PRKCI: variants seen among roughly 807,000 people sequenced by gnomAD.
The protein encoded by PRKCI is protein kinase C iota type.
Under a neutral mutation model 84.0 loss-of-function variants are expected in PRKCI, and 43 were observed. That is an observed-to-expected ratio of 0.51 (90% confidence interval 0.40 to 0.66). The LOEUF (loss-of-function observed/expected upper bound fraction) is 0.66, where lower values mean the gene tolerates loss of function less well. Ranked by LOEUF, PRKCI falls within the 30% of genes least tolerant of loss-of-function variation. The pLI, the probability that PRKCI is intolerant of heterozygous loss-of-function variation, is 0.00. For missense variants in PRKCI, 459 were observed against 745.6 expected (o/e 0.62, Z 4.48); for synonymous variants, 216 against 234.4 (o/e 0.92, Z 0.72).
intron 2 of PRKCI, among the ~76,000 whole-genome samples, chr3:170,254,159 G>GAT (rs1733526335): frequency 6.7e-6 from 1 of 149,318 alleles, no homozygotes; most frequent in Admixed American, 6.7e-5. Flanking sequence ...AGATTATTAG[G>GAT]TTTTTTTTTT....
chr3:170,280,994 T>C (rs185718627), intron 9 of PRKCI, among the ~76,000 whole-genome samples, 172 bp from the exon 10 acceptor site: 9 of 152,328 alleles, frequency 5.9e-5, no homozygotes, highest in Admixed American at 3.9e-4. Flanking sequence ...TACTGAAAGA[T>C]TGACTAGTGT....
chr3:170,282,298 A>G (rs1438661810), intron 11 of PRKCI, among the ~76,000 whole-genome samples: 1 of 152,176 alleles, frequency 6.6e-6, no homozygotes, highest in Non-Finnish European at 1.5e-5. Flanking sequence ...AGCCATTTAA[A>G]TAATTGAGAC....
At chr3:170,269,550 C>T (rs922961835) in intron 5 of PRKCI, among the ~76,000 whole-genome samples, 1 of 152,098 alleles carries the variant, frequency 6.6e-6, no homozygotes, top group Non-Finnish European at 1.5e-5. Flanking sequence ...GTAGTCCTAG[C>T]TACTCAGGAA....
In PRKCI at chr3:170,305,012, A is replaced by C. The variant is rs149238335; in HGVS notation, c.*1885A>C. On this transcript the variant is annotated 3_prime_UTR_variant, in exon 18 of 18. Transcript: ENST00000295797. ...AAGTCTGAAAGCAATGAAAACGTCA[A>C]AGGAAAATGTTTATATACATCCACA... 9 of 152,332 alleles carry C rather than the reference A, an allele frequency of 5.9e-5. No individual in the cohort carries two copies. The East Asian group carries it at 1.7e-3, about 29-fold the overall frequency. 9.4% of individuals were successfully genotyped at this position (152,332 alleles called of 1,614,324 possible). A position where few individuals can be genotyped will look rare whatever the true frequency, so the allele number is the denominator to read the frequency against.
rs556523085 is a variant in PRKCI at position 170,228,953 on chromosome 3, A to G, written c.101+6183A>G. ...TGTACCCTTTGTTTAGCTCTCACTT[A>G]TAAGTGAGAATATGTGGTATCTGGC... On this transcript the variant is annotated intron_variant, in intron 1 of 17. Coordinates refer to ENST00000295797, the MANE Select transcript of PRKCI (RefSeq NM_002740.6). Among the ~76,000 whole-genome samples, 38 of 152,054 alleles carry G rather than the reference A, an allele frequency of 2.5e-4. No homozygotes were observed. The South Asian group carries it at 6.2e-3, about 25-fold the overall frequency.
At chr3:170,229,195 C>T (rs564831969) in intron 1 of PRKCI, among the ~76,000 whole-genome samples, 1 of 152,206 alleles carries the variant, frequency 6.6e-6, no homozygotes, top group South Asian at 2.1e-4. Flanking sequence ...TTTTATTTTT[C>T]CAATAAATGA....
chr3:170,229,401 C>G (rs939914758), intron 1 of PRKCI, among the ~76,000 whole-genome samples: 4 of 152,154 alleles, frequency 2.6e-5, no homozygotes, highest in African/African-American at 9.7e-5. Context: ...GCAGCCTCAA[C>G]CACTCTGGGT....
At chr3:170,224,767 G>A (rs923126983) in intron 1 of PRKCI, among the ~76,000 whole-genome samples, 1 of 152,102 alleles carries the variant, frequency 6.6e-6, no homozygotes, top group Non-Finnish European at 1.5e-5. Flanking sequence ...CAAATGATGC[G>A]CTCGTCTTGG....
intron 8 of PRKCI, among the ~76,000 whole-genome samples, 199 bp downstream of exon 8, chr3:170,275,486 G>A (rs1734093787): frequency 6.6e-6 from 1 of 151,782 alleles, no homozygotes; most frequent in Non-Finnish European, 1.5e-5. Context: ...ATAATTTAGT[G>A]GGATAACTTA....
chr3:170,241,069 GATA>G (rs972425413), intron 2 of PRKCI, among the ~76,000 whole-genome samples: 3 of 146,104 alleles, frequency 2.1e-5, no homozygotes, highest in African/African-American at 7.5e-5. Context: ...TTAATTAACA[GATA>G]ATAATTGTAT....
intron 2 of PRKCI, among the ~76,000 whole-genome samples, chr3:170,243,665 A>G (rs1422236666): frequency 6.6e-6 from 1 of 152,214 alleles, no homozygotes; most frequent in Non-Finnish European, 1.5e-5. Context: ...TTAGTAAGGA[A>G]TTCACAAGGA....
At chr3:170,249,875 CT>C (rs911698932) in intron 2 of PRKCI, among the ~76,000 whole-genome samples, 1 of 151,526 alleles carries the variant, frequency 6.6e-6, no homozygotes, top group Admixed American at 6.6e-5. Context: ...AAAAGGGAGT[CT>C]TTTTTTAATG....
In PRKCI at chr3:170,235,318, C is replaced by T; in HGVS notation, c.190C>T (p.Gln64Ter). ...AGACATGTGTTCTTTTGACAACGAA[C>T]AGCTCTTCACCATGAAATGGATAGA... ...VRDMCSFDNE[Q>*]LFTMKWIDEE... is the part of the protein sequence containing the mutation. Residue 64 changes from glutamine to a stop codon, truncating the protein, a stop_gained, in exon 2 of 18, where the codon CAG (glutamine) becomes TAG (stop). Transcript: ENST00000295797. LOFTEE classifies it high-confidence loss of function. 1 of 1,614,100 alleles carries T rather than the reference C, an allele frequency of 6.2e-7. No homozygotes were observed. The highest frequency in any genetic ancestry group is 8.5e-7 in the Non-Finnish European group (1 of 1,179,988).
intron 8 of PRKCI, among the ~76,000 whole-genome samples, chr3:170,279,507 A>G (rs1734195015): frequency 6.6e-6 from 1 of 152,132 alleles, no homozygotes; most frequent in Non-Finnish European, 1.5e-5. Context: ...TTGTGTGCTG[A>G]TGATTTTGCA....
chr3:170,280,142 G>A (rs1734207415), intron 8 of PRKCI, 85 bp from the exon 9 acceptor site: 14 of 1,160,756 alleles, frequency 1.2e-5, no homozygotes, highest in South Asian at 5.9e-5. Context: ...TCTTTAAATC[G>A]TTATAGGTAC....
At chr3:170,239,988 C>A (rs1276699783) in intron 2 of PRKCI, among the ~76,000 whole-genome samples, 1 of 151,898 alleles carries the variant, frequency 6.6e-6, no homozygotes, top group African/African-American at 2.4e-5. Flanking sequence ...AGACCCTGTC[C>A]CTACAAAAAA....
intron 2 of PRKCI, among the ~76,000 whole-genome samples, chr3:170,239,392 A>G (rs772611687): frequency 1.3e-5 from 2 of 152,234 alleles, no homozygotes; most frequent in Admixed American, 6.5e-5. Flanking sequence ...TTAGCATTCA[A>G]TAAAATGCTT....
intron 1 of PRKCI, among the ~76,000 whole-genome samples, chr3:170,224,467 T>A (rs1246271563): frequency 6.6e-6 from 1 of 151,908 alleles, no homozygotes. Context: ...TTTTTTTTTT[T>A]AAACCCTTAC....
chr3:170,264,644 A>G (rs1209270139), intron 4 of PRKCI, among the ~76,000 whole-genome samples: 1 of 152,118 alleles, frequency 6.6e-6, no homozygotes, highest in African/African-American at 2.4e-5. Context: ...AGAAATGTGT[A>G]TATTTATTAG....
Sources: allele counts gnomAD v4.1 joint callset (sites outside exome capture counted in the v4.1 genomes callset), GRCh38; gene constraint gnomAD v4.1.1; transcripts MANE v1.5; gene names NCBI Gene and HGNC (gene_info 2026-07-23, HGNC 2026-07-21).